Variants in TLE2 observed in about 807,000 individuals in gnomAD.
TLE2 encodes TLE family member 2, transcriptional corepressor.
TLE2 carries 74 observed loss-of-function variants against 97.2 expected under a neutral mutation model. The ratio of observed to expected loss-of-function variants is 0.76; its 90% CI spans 0.63 to 0.92. The LOEUF is 0.92. TLE2 is among the 40% of genes least tolerant of loss of function. The pLI is 0.00. For synonymous variants in TLE2, 499 were observed against 432.1 expected, an observed-to-expected ratio of 1.15 and a Z score of -1.92; for missense variants, 1,038 against 1,008.7, an observed-to-expected ratio of 1.03 and a Z score of -0.39.
intron 1 of TLE2, among the ~76,000 whole-genome samples, chr19:3,043,876 C>T (rs1470667943): frequency 3.4e-5 from 5 of 147,714 alleles, no homozygotes; most frequent in Admixed American, 2.0e-4. Flanking sequence ...CCCAGTTACT[C>T]GGGAGGCTGA....
At chr19:3,015,872 C>T (rs1169852556) in intron 8 of TLE2, 112 bp from the exon 9 acceptor site, 1 of 787,716 alleles carries the variant, frequency 1.3e-6, no homozygotes, top group South Asian at 1.5e-5. Context: ...GTCCGGACCT[C>T]AAGCTTCCCA....
chr19:3,004,704 A>G (rs2089437652), intron 17 of TLE2, among the ~76,000 whole-genome samples: 1 of 151,188 alleles, frequency 6.6e-6, no homozygotes, highest in South Asian at 2.1e-4. Flanking sequence ...ATGGGTCTTG[A>G]GGGATGAATA....
rs755888218 is a variant in TLE2 at position 3,017,828 on chromosome 19, C to T, written c.570+12G>A. ...AGAATATAAAAAGAGTCCCAGGGTG[C>T]CACTCACTTACCCTGCTCGGGGCTC... On this transcript the variant is annotated intron_variant, in intron 8 of 19. Coordinates refer to ENST00000262953, the MANE Select transcript of TLE2 (RefSeq NM_003260.5). The T allele has an allele frequency of 3.1e-6, 5 of 1,610,480 alleles. No homozygotes were observed. The highest frequency in any genetic ancestry group is 1.7e-5 in the Admixed American group (1 of 59,356).
At chr19:3,002,061 G>A (rs1181698873) in intron 18 of TLE2, among the ~76,000 whole-genome samples, 2 of 152,038 alleles carry the variant, frequency 1.3e-5, no homozygotes, top group Non-Finnish European at 2.9e-5. Context: ...GCCTCCCAAA[G>A]TGTTGGGATG....
At chr19:3,025,818 G>GA (rs2089933956) in intron 4 of TLE2, among the ~76,000 whole-genome samples, 1 of 116,714 alleles carries the variant, frequency 8.6e-6, no homozygotes, top group African/African-American at 4.5e-5. Context: ...ACCCCATAAA[G>GA]GGGGGTCTAT....
At chr19:3,002,310 G>T (rs1238635630) in intron 18 of TLE2, 43 bp downstream of exon 18, 5 of 1,563,000 alleles carry the variant, frequency 3.2e-6, no homozygotes, top group Non-Finnish European at 4.3e-6. Flanking sequence ...CCTGGGTTTT[G>T]TTGGGGTTTT....
chr19:3,006,697 G>A (rs778858120), intron 14 of TLE2, 28 bp from the exon 15 acceptor site: 202 of 1,559,540 alleles, frequency 1.3e-4, no homozygotes, highest in Non-Finnish European at 3.2e-5. Flanking sequence ...GCATGACCCA[G>A]CCCTGGGCAC....
chr19:3,024,937 T>A, intron 5 of TLE2, 83 bp downstream of exon 5: 1 of 1,237,904 alleles, frequency 8.1e-7, no homozygotes, highest in Non-Finnish European at 1.1e-6. Context: ...AATCAGTGCC[T>A]GGGGCGTCCT....
At chr19:3,023,511 T>C (rs891883465) in intron 5 of TLE2, among the ~76,000 whole-genome samples, 3 of 152,190 alleles carry the variant, frequency 2.0e-5, no homozygotes, top group Non-Finnish European at 4.4e-5. Flanking sequence ...GGTTTGGTCC[T>C]CAAGGCATCA....
At chr19:3,030,769 G>T (rs1485666369), upstream of TLE2, among the ~76,000 whole-genome samples, 1 of 151,756 alleles carries the variant, frequency 6.6e-6, no homozygotes, top group Non-Finnish European at 1.5e-5. Flanking sequence ...ACATTTTTGT[G>T]TTTTTTGTAT....
intron 5 of TLE2, among the ~76,000 whole-genome samples, chr19:3,023,044 A>G (rs907751602): frequency 8.3e-5 from 12 of 144,636 alleles, no homozygotes; most frequent in Non-Finnish European, 1.7e-4. Flanking sequence ...TTCAACAGTC[A>G]TTTTACCTAA....
At chr19:3,035,674 C>T (rs1431679974) in intron 1 of TLE2, among the ~76,000 whole-genome samples, 1 of 152,188 alleles carries the variant, frequency 6.6e-6, no homozygotes, top group Non-Finnish European at 1.5e-5. Flanking sequence ...AGCCAATCCG[C>T]TCGCGACGCT....
chr19:3,005,313 T>C, intron 17 of TLE2, 124 bp downstream of exon 17: 1 of 1,308,108 alleles, frequency 7.6e-7, no homozygotes, highest in Non-Finnish European at 1.0e-6. Context: ...ACAAGAAAGA[T>C]GGACACCACA....
At chr19:3,027,723 G>T in intron 4 of TLE2, 106 bp downstream of exon 4, 1 of 1,103,554 alleles carries the variant, frequency 9.1e-7, no homozygotes. Flanking sequence ...GATGAGACCC[G>T]TGTTCCCTAG....
At chr19:3,002,093 C>T (rs2089375604) in intron 18 of TLE2, among the ~76,000 whole-genome samples, 1 of 152,160 alleles carries the variant, frequency 6.6e-6, no homozygotes. Flanking sequence ...CTACCACACC[C>T]AGCCTTAAAT....
intron 17 of TLE2, 57 bp downstream of exon 17, chr19:3,005,380 G>A: frequency 5.0e-6 from 8 of 1,589,788 alleles, no homozygotes; most frequent in East Asian, 2.2e-5. Flanking sequence ...ACAAGGAGAG[G>A]AAGGGATGCT....
At position 3,028,798 on chromosome 19, in the gene TLE2, C is replaced by A; in HGVS notation, c.30G>T (p.Pro10=). Residue 10 remains proline (P), a synonymous_variant, in exon 2 of 20, where the codon CCG becomes CCT. Coordinates refer to ENST00000262953, the MANE Select transcript of TLE2 (RefSeq NM_003260.5). The part of the protein sequence containing the change: MYPQGRHPT[P]LQSGQPFKFS... ...ACTTGAAGGGCTGGCCGGACTGGAG[C>A]GGGGTCTGGGGGGGGTGTGGGGGAA... 2.0e-6 allele frequency: 3 copies of A among 1,502,470 alleles called. No homozygotes were observed. The African/African-American group carries it at 4.1e-5, about 21-fold the overall frequency. The allele number at this position is 1,502,470 out of a possible 1,614,324, so 93.1% of individuals were successfully genotyped here.
At chr19:3,042,253 C>A (rs1176868525) in intron 1 of TLE2, among the ~76,000 whole-genome samples, 2 of 120,216 alleles carry the variant, frequency 1.7e-5, no homozygotes, top group Non-Finnish European at 3.5e-5. Context: ...GGAGGAGGCC[C>A]CCGGGTGGAG....
At chr19:3,036,528 C>G (rs1458960649) in intron 1 of TLE2, among the ~76,000 whole-genome samples, 1 of 152,254 alleles carries the variant, frequency 6.6e-6, no homozygotes, top group Admixed American at 6.5e-5. Flanking sequence ...AACTGCCGGG[C>G]CACCAGCCAG....
Sources: allele counts gnomAD v4.1 joint callset (sites outside exome capture counted in the v4.1 genomes callset), GRCh38; gene constraint gnomAD v4.1.1; transcripts MANE v1.5; gene names NCBI Gene and HGNC (gene_info 2026-07-23, HGNC 2026-07-21).